The following TFEC variants were observed in gnomAD, a reference collection of about 807,000 sequenced individuals.
TFEC encodes the protein class E basic helix-loop-helix protein 34.
In TFEC, 31 loss-of-function variants were observed where a neutral mutation model predicts 41.6. The ratio of observed to expected loss-of-function variants is 0.74; its 90% confidence interval spans 0.56 to 1.01. The LOEUF is 1.01. TFEC is among the 50% of genes least tolerant of loss of function. The pLI is 0.00. For synonymous variants in TFEC, 143 were observed against 140.6 expected, an observed-to-expected ratio of 1.02 and a Z score of -0.12; for missense variants, 402 against 404.1, an observed-to-expected ratio of 0.99 and a Z score of 0.04.
chr7:115,943,453 T>G (rs1031577720), intron 6 of TFEC, among the ~76,000 whole-genome samples: 12 of 151,986 alleles, frequency 7.9e-5, no homozygotes, highest in Non-Finnish European at 1.3e-4. Flanking sequence ...CTAGCCATAT[T>G]TGAAGTTTAA....
At chr7:115,999,425 T>C (rs979091151) in intron 1 of TFEC, among the ~76,000 whole-genome samples, 3 of 151,864 alleles carry the variant, frequency 2.0e-5, no homozygotes, top group Non-Finnish European at 4.4e-5. Flanking sequence ...ACAATGCATC[T>C]TAAAGAAATA....
chr7:115,973,277 T>C (rs1793217775), intron 3 of TFEC, among the ~76,000 whole-genome samples: 1 of 151,912 alleles, frequency 6.6e-6, no homozygotes, highest in Admixed American at 6.6e-5. Context: ...AAGGGATGCT[T>C]CCACCATTTT....
At chr7:116,134,627 A>C (rs537719252) in intron 1 of TFEC, among the ~76,000 whole-genome samples, 3 of 152,178 alleles carry the variant, frequency 2.0e-5, no homozygotes, top group Non-Finnish European at 2.9e-5. Context: ...AAAACAGGTT[A>C]ATAAGACTGT....
chr7:116,123,948 T>C (rs1359678192), intron 1 of TFEC, among the ~76,000 whole-genome samples: 1 of 152,120 alleles, frequency 6.6e-6, no homozygotes, highest in African/African-American at 2.4e-5. Context: ...AAAGAATAAA[T>C]GACTGATATA....
At chr7:116,054,272 A>G (rs1188569489) in intron 3 of TFEC, among the ~76,000 whole-genome samples, 1 of 152,194 alleles carries the variant, frequency 6.6e-6, no homozygotes, top group Non-Finnish European at 1.5e-5. Flanking sequence ...TCAAAGAGGT[A>G]TACTAGAAAA....
chr7:116,110,815 C>T, exon 3 of TFEC: 3 of 1,548,314 alleles, frequency 1.9e-6, no homozygotes, highest in Non-Finnish European at 2.6e-6. Context: ...GTTCTATGGG[C>T]ACTGATTTCC....
At chr7:116,040,510 A>G (rs1235235274) in intron 3 of TFEC, among the ~76,000 whole-genome samples, 2 of 152,178 alleles carry the variant, frequency 1.3e-5, no homozygotes, top group African/African-American at 4.8e-5. Context: ...TAGAAATTGC[A>G]AATATTTGAT....
intron 1 of TFEC, among the ~76,000 whole-genome samples, chr7:116,011,547 CTGAA>C (rs1276280396): frequency 4.6e-5 from 7 of 152,076 alleles, no homozygotes; most frequent in African/African-American, 1.4e-4. Context: ...AACAGACCAA[CTGAA>C]TGAATGAAAT....
upstream of TFEC, among the ~76,000 whole-genome samples, chr7:116,032,495 A>G (rs1207506937): frequency 1.3e-5 from 2 of 152,138 alleles, no homozygotes. Context: ...AGAATACTAT[A>G]CAGTCATAAA....
intron 1 of TFEC, among the ~76,000 whole-genome samples, chr7:115,993,738 C>T (rs1005993258): frequency 2.6e-5 from 4 of 152,140 alleles, no homozygotes; most frequent in Admixed American, 6.5e-5. Context: ...ATTCCATGCT[C>T]GTGGATAGGA....
intron 2 of TFEC, among the ~76,000 whole-genome samples, chr7:115,983,838 T>G (rs969848940): frequency 2.6e-5 from 4 of 152,112 alleles, no homozygotes; most frequent in Non-Finnish European, 5.9e-5. Flanking sequence ...GCAATAAAAT[T>G]ATTAGTCTTA....
intron 7 of TFEC, chr7:115,941,261 C>A (rs1793483215): frequency 5.1e-6 from 1 of 196,546 alleles, no homozygotes; most frequent in Non-Finnish European, 1.0e-5. Context: ...TGATTAATTT[C>A]TCACTGTAAA....
chr7:116,077,225 C>T (rs540043281), intron 3 of TFEC, among the ~76,000 whole-genome samples: 47 of 152,226 alleles, frequency 3.1e-4, no homozygotes, highest in Admixed American at 3.0e-3. Flanking sequence ...CAAACAAATG[C>T]TGAGAGAATT....
intron 3 of TFEC, among the ~76,000 whole-genome samples, chr7:116,048,175 A>G (rs1796216584): frequency 6.6e-6 from 1 of 152,216 alleles, no homozygotes; most frequent in Non-Finnish European, 1.5e-5. Context: ...GTAATAATAA[A>G]CTTCTCCGAG....
At chr7:116,152,061 CTAGAT>C (rs1298432622) in intron 1 of TFEC, among the ~76,000 whole-genome samples, 5 of 151,820 alleles carry the variant, frequency 3.3e-5, no homozygotes, top group Non-Finnish European at 7.4e-5. Context: ...CCAAGTACAC[CTAGAT>C]TAAACTTTGA....
rs546039821 is a variant in TFEC, at chr7:115,978,183, A to T, written c.181-3927T>A. Among the ~76,000 whole-genome samples the T allele has an allele frequency of 3.9e-5, 6 of 152,282 alleles. No individual in the cohort carries two copies. In the East Asian group the frequency reaches 1.2e-3, roughly 29 times the overall value. ...ACACTTAAAAGTAAACAACAGAAAA[A>T]GCTGAAACAAGGTTAAAAAAGGTAT... On this transcript the variant is annotated intron_variant, in intron 2 of 7. Transcript: ENST00000265440.
intron 1 of TFEC, among the ~76,000 whole-genome samples, chr7:116,113,373 G>A (rs1797900177): frequency 6.6e-6 from 1 of 151,956 alleles, no homozygotes; most frequent in Non-Finnish European, 1.5e-5. Context: ...AAGTGATGAA[G>A]AAAGCAGAGA....
intron 3 of TFEC, among the ~76,000 whole-genome samples, chr7:115,958,737 C>A (rs1263144642): frequency 6.6e-6 from 1 of 151,824 alleles, no homozygotes; most frequent in Non-Finnish European, 1.5e-5. Flanking sequence ...ATTGCATATT[C>A]TTCTGATCTT....
intron 3 of TFEC, among the ~76,000 whole-genome samples, chr7:115,957,095 G>T (rs1269906275): frequency 6.6e-6 from 1 of 151,922 alleles, no homozygotes; most frequent in Non-Finnish European, 1.5e-5. Flanking sequence ...GTTTGATCCA[G>T]CATATGACCT....
Sources: allele counts gnomAD v4.1 joint callset (sites outside exome capture counted in the v4.1 genomes callset), GRCh38; gene constraint gnomAD v4.1.1; transcripts MANE v1.5; gene names NCBI Gene and HGNC (gene_info 2026-07-23, HGNC 2026-07-21).